The following CACNA1F variants were observed in gnomAD, a reference collection of about 807,000 sequenced individuals.
CACNA1F encodes the protein voltage-dependent L-type calcium channel subunit alpha-1F.
In CACNA1F, 59 loss-of-function variants were observed where a neutral mutation model predicts 143.8. The ratio of observed to expected loss-of-function variants is 0.41; its 90% confidence interval spans 0.33 to 0.51. CACNA1F has a LOEUF of 0.51. Among genes scored for constraint, CACNA1F ranks in the 20% least tolerant of loss-of-function variants. The pLI is 0.22. For missense variants in CACNA1F, 1,411 were observed against 1,647.5 expected (o/e 0.86, Z 2.48); for synonymous variants, 643 against 649.1 (o/e 0.99, Z 0.14).
At chrX:49,209,455 C>G in intron 41 of CACNA1F, 62 bp from the exon 42 acceptor site, 6 of 1,170,610 alleles carry the variant, frequency 5.1e-6, no homozygotes, top group Non-Finnish European at 7.0e-6. Context: ...CTCTGTTTCC[C>G]CTGCAGGCGG....
intron 46 of CACNA1F, 35 bp downstream of exon 46, chrX:49,206,476 G>A: frequency 3.2e-6 from 3 of 952,290 alleles, no homozygotes. Flanking sequence ...CATCTCTCCA[G>A]ACCCCAGACC....
chrX:49,224,583 G>T (rs782313317), intron 14 of CACNA1F, among the ~76,000 whole-genome samples, 178 bp downstream of exon 14: 1 of 111,747 alleles, frequency 8.9e-6, no homozygotes, highest in East Asian at 2.8e-4. Context: ...ACAGGAACTT[G>T]TGTCTGCTTT....
rs797044676 is a variant in CACNA1F at position 49,231,709 on chromosome X, G to A, written c.244C>T (p.Arg82Ter). The A allele has an allele frequency of 4.1e-6, 5 of 1,211,833 alleles. No individual in the cohort carries two copies. The highest frequency in any genetic ancestry group is 3.0e-5 in the East Asian group (1 of 33,837). ...LFCLTLANPL[R>*]RSCISIVEWK... The stretch of plus-strand genomic sequence containing the variant: ...TCCACGATGCTGATGCAGGACCGTC[G>A]CAGAGGATTGGCCAGGGTGAGGCAG... Residue 82 changes from arginine to a stop codon, truncating the protein, a stop_gained, in exon 2 of 48, where the codon CGA becomes TGA. Transcript: ENST00000323022. LOFTEE classifies it high-confidence loss of function.
At chrX:49,206,196 C>G (rs1367934264) in intron 46 of CACNA1F, among the ~76,000 whole-genome samples, 1 of 109,101 alleles carries the variant, frequency 9.2e-6, no homozygotes, top group Non-Finnish European at 1.9e-5. Flanking sequence ...GGTTTGAGAC[C>G]AGCCCGGCCA....
chrX:49,230,768 G>C (rs1557111141), intron 4 of CACNA1F, 82 bp downstream of exon 4: 3 of 1,111,433 alleles, frequency 2.7e-6, no homozygotes, highest in African/African-American at 3.6e-5. Flanking sequence ...CGGTCTGAAA[G>C]AGTCGCTTTC....
Position 49,210,340 on chromosome X carries a change from A to G in CACNA1F, c.4549T>C (p.Phe1517Leu). The G allele has an allele frequency of 8.3e-7, 1 of 1,208,882 alleles. No homozygotes were observed. Residue 1517 changes from phenylalanine (F) to leucine (L), a missense_variant, in exon 39 of 48, where the codon TTT (phenylalanine) becomes CTT (leucine). Transcript: ENST00000323022. ...TTCAGGGATGTCCGGACCAGGGCAA[A>G]GAGTGTGGCGTTGAATGTCACCGTC... ...DGTVTFNATL[F>L]ALVRTSLKIK...
At position 49,220,903 on chromosome X, in the gene CACNA1F, C is replaced by A; in HGVS notation, c.2334+132G>T. On this transcript the variant is annotated intron_variant, in intron 18 of 47. Transcript: ENST00000323022. ...GCAGTGAGCCGAGATGGCACAACTG[C>A]ACTCCAGCCTGGGCGACAGAGTGAG... 5.1e-6 allele frequency: 3 copies of A among 584,544 alleles called. No individual in the cohort carries two copies. In the South Asian group the frequency reaches 7.3e-5, roughly 14 times the overall value. 48.2% of individuals were successfully genotyped at this position (584,544 alleles called of 1,213,427 possible).
intron 8 of CACNA1F, among the ~76,000 whole-genome samples, chrX:49,227,378 G>A (rs2065837005): frequency 9.0e-6 from 1 of 111,487 alleles, no homozygotes; most frequent in Admixed American, 9.6e-5. Flanking sequence ...AGGGTGGAGT[G>A]CAGTGGTGTG....
At chrX:49,228,551 TTC>T in intron 6 of CACNA1F, 104 bp from the exon 7 acceptor site, 1 of 613,896 alleles carries the variant, frequency 1.6e-6, no homozygotes, top group Non-Finnish European at 2.7e-6. Context: ...TCCTAGATTT[TTC>T]TCTTTCTCTC....
rs781910822 is a variant in CACNA1F at position 49,212,324 on chromosome X, AG to A, written c.3943-17del. 9.7e-4 allele frequency: 1,109 copies of A among 1,146,037 alleles called. 6 individuals are homozygous for A. In the African/African-American group the frequency reaches 0.017, roughly 18 times the overall value. 94.4% of individuals were successfully genotyped at this position (1,146,037 alleles called of 1,213,427 possible). On this transcript the variant is annotated splice_polypyrimidine_tract_variant and intron_variant, in intron 33 of 47. Coordinates refer to ENST00000323022, the MANE Select transcript of CACNA1F (RefSeq NM_001256789.3). ...AGGGCAAGGCCTATAGGGATGGGGG[AG>A]GGGGGCAGAGAATAGATGCACAGGC... is the stretch of plus-strand genomic sequence containing the variant.
At chrX:49,223,299 A>C (rs1400770627) in intron 14 of CACNA1F, among the ~76,000 whole-genome samples, 163 bp from the exon 15 acceptor site, 4 of 109,690 alleles carry the variant, frequency 3.6e-5, no homozygotes, top group Non-Finnish European at 5.7e-5. Context: ...TTGGGGTGAG[A>C]TGAGAGTAAG....
chrX:49,229,403 T>A (rs1325095521), intron 6 of CACNA1F, among the ~76,000 whole-genome samples: 1 of 111,642 alleles, frequency 9.0e-6, no homozygotes, highest in Non-Finnish European at 1.9e-5. Flanking sequence ...GTGATCCATC[T>A]GCCTCGGCCT....
chrX:49,226,376 T>C, intron 11 of CACNA1F, 33 bp downstream of exon 11: 1 of 1,164,412 alleles, frequency 8.6e-7, no homozygotes, highest in Non-Finnish European at 1.2e-6. Context: ...TTGGACTGGC[T>C]TCTGGGCTGG....
At chrX:49,218,203 T>C (rs1787768606) in intron 24 of CACNA1F, among the ~76,000 whole-genome samples, 198 bp from the exon 25 acceptor site, 1 of 111,648 alleles carries the variant, frequency 9.0e-6, no homozygotes, top group South Asian at 3.7e-4. Context: ...GGAATAAGTG[T>C]TTGCCGGGTG....
rs782758351 is a variant in CACNA1F, at chrX:49,228,480, C to G, written c.818-33G>C. 7 of 1,119,347 alleles carry G rather than the reference C, an allele frequency of 6.3e-6. No homozygotes were observed. The East Asian group carries it at 2.2e-4, about 36-fold the overall frequency. The allele number at this position is 1,119,347 out of a possible 1,213,427, so 92.2% of individuals were successfully genotyped here. ...AAGACTGGAGCTTGGGGCTTCGAAG[C>G]AGGCCCACTCTCAGTCGCTGCCACC... On this transcript the variant is annotated intron_variant, in intron 6 of 47. Transcript: ENST00000323022.
Position 49,220,631 on chromosome X carries a change from TGAA to T in CACNA1F, c.2335-110_2335-108del, listed in dbSNP as rs1429200041. On this transcript the variant is annotated intron_variant, in intron 18 of 47. Transcript: ENST00000323022. The stretch of plus-strand genomic sequence containing the variant: ...AATAGGGGAAAGAATAGGCAGAGGA[TGAA>T]GGTTAAAGACATGCACATATGGCTG... The T allele has an allele frequency of 1.5e-5, 10 of 674,737 alleles. No individual in the cohort carries two copies. In the Admixed American group the frequency reaches 1.6e-4, roughly 11 times the overall value. 55.6% of individuals were successfully genotyped at this position (674,737 alleles called of 1,213,427 possible).
rs1557108970 is a variant in CACNA1F at position 49,222,705 on chromosome X, G to T, written c.2206+13C>A. The T allele has an allele frequency of 4.1e-6, 5 of 1,209,534 alleles. No individual in the cohort carries two copies. The highest frequency in any genetic ancestry group is 1.8e-5 in the African/African-American group (1 of 57,113). On this transcript the variant is annotated intron_variant, in intron 16 of 47. Transcript: ENST00000323022. ...CTCCACCATCATCCAGCCCCACAAA[G>T]CTCCAAGGATACAGTTGCCACAGAT...
intron 17 of CACNA1F, among the ~76,000 whole-genome samples, chrX:49,221,774 G>A (rs2065777019): frequency 9.4e-6 from 1 of 106,904 alleles, no homozygotes; most frequent in Non-Finnish European, 1.9e-5. Context: ...GAGGTTAGGA[G>A]TTCAAGACCA....
Position 49,211,359 on chromosome X carries a change from G to A in CACNA1F, c.4223C>T (p.Ala1408Val). The part of the protein sequence containing the change: ...EFTCGSNFAI[A>V]YFISFFMLCA... ...GAGCATGAAGAAGCTGATGAAATAG[G>A]CGATGGCAAAATTGCTACCACAGGT... Residue 1408 changes from alanine (A) to valine (V), a missense_variant, in exon 36 of 48, where the codon GCC becomes GTC. Ala to Val is a moderately conservative substitution (Grantham distance 64, BLOSUM62 0). Coordinates refer to ENST00000323022, the MANE Select transcript of CACNA1F (RefSeq NM_001256789.3). 1.7e-6 allele frequency: 2 copies of A among 1,211,146 alleles called. No individual in the cohort carries two copies. Among genetic ancestry groups the A allele is most frequent in the Non-Finnish European group, 2.2e-6 (2 of 895,018 alleles).
Sources: gnomAD v4.1 joint callset for allele counts (sites outside exome capture counted in the v4.1 genomes callset) on GRCh38, gnomAD v4.1.1 for gene constraint, MANE v1.5 for transcripts, NCBI Gene and HGNC (gene_info 2026-07-23, HGNC 2026-07-21) for gene names.